The following TTC7A variants were observed in gnomAD, a reference collection of about 807,000 sequenced individuals.
TTC7A encodes the protein tetratricopeptide repeat protein 7A.
Under a neutral mutation model 103.7 loss-of-function variants are expected in TTC7A, and 110 were observed. That is an observed-to-expected ratio of 1.06 (90% CI 0.91 to 1.24). TTC7A has a LOEUF of 1.24. Ranked by LOEUF, TTC7A falls within the 50% of genes most tolerant of loss-of-function variation. The pLI is 0.00. For synonymous variants in TTC7A, 521 were observed against 467.9 expected (o/e 1.11, Z -1.47); for missense variants, 1,340 against 1,116.3 (o/e 1.20, Z -2.86).
intron 15 of TTC7A, among the ~76,000 whole-genome samples, chr2:47,043,709 G>A (rs1682009764): frequency 6.6e-6 from 1 of 152,186 alleles, no homozygotes; most frequent in Non-Finnish European, 1.5e-5. Context: ...TGGAGTGAAA[G>A]ATCAGACCAG....
At chr2:46,951,199 C>G (rs1447549578) in intron 2 of TTC7A, among the ~76,000 whole-genome samples, 1 of 152,160 alleles carries the variant, frequency 6.6e-6, no homozygotes, top group African/African-American at 2.4e-5. Context: ...ACCCACCTCT[C>G]CCTCCCAGAA....
chr2:46,956,778 G>A, intron 2 of TTC7A, 61 bp from the exon 3 acceptor site: 7 of 1,591,170 alleles, frequency 4.4e-6, no homozygotes, highest in East Asian at 2.2e-5. Context: ...AGGTTCAGTG[G>A]GGGTGTTCAC....
At chr2:47,036,542 C>A (rs560023108) in intron 15 of TTC7A, among the ~76,000 whole-genome samples, 14 of 152,256 alleles carry the variant, frequency 9.2e-5, no homozygotes, top group African/African-American at 3.1e-4. Context: ...GTGGCCCTCC[C>A]CCTTTCAGGG....
chr2:47,006,070 C>A lies in TTC7A; in HGVS notation c.1203+11C>A. On this transcript the variant is annotated intron_variant, in intron 9 of 19. Transcript: ENST00000319190. ...GTCATGCTCTCGGAGGTACGGCCGG[C>A]CATGCAGCCCACCCCACTCTCCGGA... 1 of 1,610,724 alleles carries A rather than the reference C, an allele frequency of 6.2e-7. No homozygotes were observed. The highest frequency in any genetic ancestry group is 1.1e-5 in the South Asian group (1 of 91,018).
chr2:46,948,005 T>G (rs1671078206), intron 1 of TTC7A, among the ~76,000 whole-genome samples: 1 of 152,172 alleles, frequency 6.6e-6, no homozygotes, highest in South Asian at 2.1e-4. Context: ...TGGTTTCTCT[T>G]GGCATGAAAG....
chr2:47,022,782 A>G (rs1377236906), intron 12 of TTC7A, among the ~76,000 whole-genome samples: 3 of 152,198 alleles, frequency 2.0e-5, no homozygotes, highest in Non-Finnish European at 4.4e-5. Flanking sequence ...GTCAAAGTCT[A>G]CTTTGAGCAA....
chr2:46,962,844 G>A (rs1395882007), intron 3 of TTC7A, among the ~76,000 whole-genome samples: 2 of 152,260 alleles, frequency 1.3e-5, no homozygotes, highest in African/African-American at 4.8e-5. Flanking sequence ...GAGCCTACCT[G>A]ATAGGTTGAA....
chr2:47,057,488 T>A (rs886514818), intron 18 of TTC7A, among the ~76,000 whole-genome samples: 5 of 152,196 alleles, frequency 3.3e-5, no homozygotes, highest in Middle Eastern at 3.4e-3. Flanking sequence ...TTGATGTGAA[T>A]ACACTATGAG....
At chr2:47,056,136 C>G (rs1683293396) in intron 18 of TTC7A, among the ~76,000 whole-genome samples, 2 of 152,162 alleles carry the variant, frequency 1.3e-5, no homozygotes, top group African/African-American at 4.8e-5. Context: ...TCCCTGGAGA[C>G]CTTTGGATTC....
At chr2:46,954,802 C>T (rs141045445) in intron 2 of TTC7A, among the ~76,000 whole-genome samples, 1,882 of 152,186 alleles carry the variant, frequency 0.012, 19 homozygotes, top group South Asian at 0.038. Context: ...AATTCCTGAT[C>T]TTAGGTGATC....
intron 3 of TTC7A, among the ~76,000 whole-genome samples, chr2:46,959,382 C>T (rs1203981966): frequency 6.6e-6 from 1 of 152,162 alleles, no homozygotes; most frequent in Non-Finnish European, 1.5e-5. Context: ...CCATTTTTCA[C>T]AGGAGTCTGC....
intron 9 of TTC7A, 120 bp downstream of exon 9, chr2:47,006,179 T>C: frequency 7.6e-7 from 1 of 1,315,000 alleles, no homozygotes; most frequent in Non-Finnish European, 1.0e-6. Flanking sequence ...CTCTGCCGCT[T>C]TGACCTCGGC....
intron 2 of TTC7A, among the ~76,000 whole-genome samples, chr2:46,932,572 G>C (rs1204026758): frequency 6.6e-6 from 1 of 152,000 alleles, no homozygotes; most frequent in Non-Finnish European, 1.5e-5. Context: ...AGAAGAAAAA[G>C]AGGAAGAAAA....
At chr2:47,051,980 C>T in intron 18 of TTC7A, 100 bp downstream of exon 18, 3 of 1,432,996 alleles carry the variant, frequency 2.1e-6, no homozygotes, top group African/African-American at 1.4e-5. Flanking sequence ...GGTGGGGACA[C>T]CTTGCTAGGC....
intron 16 of TTC7A, 102 bp from the exon 17 acceptor site, chr2:47,049,847 C>T (rs1381637845): frequency 4.7e-6 from 4 of 855,108 alleles, no homozygotes; most frequent in Non-Finnish European, 7.6e-6. Context: ...GAGGCTGTCC[C>T]ATTCTCCCTG....
intron 8 of TTC7A, among the ~76,000 whole-genome samples, chr2:46,998,940 G>A (rs940555586): frequency 2.6e-5 from 4 of 152,156 alleles, no homozygotes; most frequent in African/African-American, 9.7e-5. Flanking sequence ...GATATAACTG[G>A]TTGAAGATGA....
At position 46,969,047 on chromosome 2, in the gene TTC7A, G is replaced by T. The variant is rs890208643; in HGVS notation, c.518-5926G>T. Among the ~76,000 whole-genome samples the T allele has an allele frequency of 2.0e-5, 3 of 151,406 alleles. No individual in the cohort carries two copies. In the East Asian group the frequency reaches 5.8e-4, roughly 29 times the overall value. On this transcript the variant is annotated intron_variant, in intron 3 of 19. Transcript: ENST00000319190. ...CTCCCACAGTGCTGGGATTACAGAC[G>T]TGGGCCACCACTCCTGGCCTTATTT...
chr2:47,059,734 T>G (rs1683614553), intron 18 of TTC7A, among the ~76,000 whole-genome samples: 1 of 152,098 alleles, frequency 6.6e-6, no homozygotes, highest in Non-Finnish European at 1.5e-5. Context: ...GGACGCCACA[T>G]CCCCACGCGA....
chr2:47,044,501 C>T (rs1369298737), intron 15 of TTC7A, among the ~76,000 whole-genome samples: 2 of 152,208 alleles, frequency 1.3e-5, no homozygotes, highest in Non-Finnish European at 2.9e-5. Flanking sequence ...CAGCTGTGCA[C>T]TCAGGTCCGT....
Sources: allele counts gnomAD v4.1 joint callset (sites outside exome capture counted in the v4.1 genomes callset), GRCh38; gene constraint gnomAD v4.1.1; transcripts MANE v1.5; gene names NCBI Gene and HGNC (gene_info 2026-07-23, HGNC 2026-07-21).